DESI1: variants seen among roughly 807,000 people sequenced by gnomAD.
The protein encoded by DESI1 is desumoylating isopeptidase 1.
A neutral mutation model predicts 22.4 loss-of-function variants in DESI1; 17 were observed. The ratio of observed to expected loss-of-function variants is 0.76; its 90% confidence interval spans 0.52 to 1.14. The LOEUF is 1.14. Ranked by LOEUF, DESI1 falls within the 50% of genes most tolerant of loss-of-function variation. The pLI, the probability that DESI1 is intolerant of heterozygous loss-of-function variation, is 0.00. For missense variants in DESI1, 177 were observed against 208.9 expected, an observed-to-expected ratio of 0.85 and a Z score of 0.94; for synonymous variants, 92 against 84.2, an observed-to-expected ratio of 1.09 and a Z score of -0.51.
intron 1 of DESI1, among the ~76,000 whole-genome samples, chr22:41,609,182 T>C (rs1381646795): frequency 6.6e-6 from 1 of 152,102 alleles, no homozygotes; most frequent in Non-Finnish European, 1.5e-5. Flanking sequence ...CCTCAAGTGA[T>C]CCACCTGCCT....
intron 4 of DESI1, 36 bp downstream of exon 4, chr22:41,604,008 C>T (rs1601508916): frequency 1.3e-6 from 2 of 1,581,536 alleles, no homozygotes; most frequent in Non-Finnish European, 1.7e-6. Context: ...GCTGGGGAGA[C>T]AGACACAACT....
chr22:41,602,208 G>A (rs1220122803), intron 5 of DESI1: 5 of 985,044 alleles, frequency 5.1e-6, no homozygotes, highest in Admixed American at 6.2e-5. Context: ...AAGGAATGAA[G>A]TACTCCAAAG....
chr22:41,604,684 C>T (rs2067469043), intron 3 of DESI1, among the ~76,000 whole-genome samples: 1 of 151,570 alleles, frequency 6.6e-6, no homozygotes, highest in South Asian at 2.1e-4. Context: ...GAAGAATGGT[C>T]TTGGGCCACA....
chr22:41,616,337 G>A (rs2067550343), intron 1 of DESI1, among the ~76,000 whole-genome samples: 1 of 152,146 alleles, frequency 6.6e-6, no homozygotes, highest in South Asian at 2.1e-4. Flanking sequence ...ATTGAGTATA[G>A]TGTAAAATCT....
At chr22:41,616,179 G>C (rs1601516198) in intron 1 of DESI1, among the ~76,000 whole-genome samples, 2 of 152,130 alleles carry the variant, frequency 1.3e-5, no homozygotes, top group East Asian at 3.9e-4. Context: ...GGAGGCGGAG[G>C]TTGCAGTGAG....
rs1300474034 is a variant in DESI1 at position 41,619,722 on chromosome 22, A to G, written c.88+1030T>C. On this transcript the variant is annotated intron_variant, in intron 1 of 5. Transcript: ENST00000263256. ...TACGACATATTAGAAACTCAAGGAC[A>G]TTGAAGGATGCCCTCAAAAGTAGCC... Among the ~76,000 whole-genome samples, 5 of 152,332 alleles carry G rather than the reference A, an allele frequency of 3.3e-5. No individual in the cohort carries two copies. In the East Asian group the frequency reaches 9.6e-4, roughly 29 times the overall value.
intron 1 of DESI1, among the ~76,000 whole-genome samples, chr22:41,613,613 T>C (rs536963408): frequency 3.5e-4 from 54 of 152,342 alleles, no homozygotes; most frequent in African/African-American, 1.2e-3. Context: ...GCTTTGTTGG[T>C]TGACACACAG....
At chr22:41,616,858 A>G (rs1477748990) in intron 1 of DESI1, among the ~76,000 whole-genome samples, 1 of 152,208 alleles carries the variant, frequency 6.6e-6, no homozygotes, top group African/African-American at 2.4e-5. Context: ...GCTTCAGGAA[A>G]GGGGAATTAC....
intron 5 of DESI1, chr22:41,602,270 A>G (rs1474343060): frequency 1.0e-6 from 1 of 985,348 alleles, no homozygotes; most frequent in Non-Finnish European, 1.2e-6. Context: ...CAATTCCAGG[A>G]ACTCCACCCA....
intron 5 of DESI1, among the ~76,000 whole-genome samples, chr22:41,601,827 C>T (rs965748393): frequency 1.3e-5 from 2 of 152,164 alleles, no homozygotes; most frequent in African/African-American, 4.8e-5. Context: ...AATTCTCCTG[C>T]CTCAGCCTCC....
rs1172397671 is a variant in DESI1, at chr22:41,603,386, A to G, written c.291-5T>C. On this transcript the variant is annotated splice_region_variant and splice_polypyrimidine_tract_variant and intron_variant, in intron 4 of 5. Coordinates refer to ENST00000263256, the MANE Select transcript of DESI1 (RefSeq NM_015704.3). Reference sequence around the variant, plus strand: ...AAGAGGTTGTAGGCCTCACCTCTGTACATTGAAAGGTTTGCAGAACATATA... The same window carrying G: ...AAGAGGTTGTAGGCCTCACCTCTGTGCATTGAAAGGTTTGCAGAACATATA... The G allele has an allele frequency of 3.7e-6, 6 of 1,614,212 alleles. No homozygotes were observed. The highest frequency in any genetic ancestry group is 4.2e-6 in the Non-Finnish European group (5 of 1,180,020).
chr22:41,620,941 G>A lies in DESI1; in HGVS notation c.-102C>T. 1.5e-6 allele frequency: 2 copies of A among 1,326,412 alleles called. No homozygotes were observed. The highest frequency in any genetic ancestry group is 2.1e-6 in the Non-Finnish European group (2 of 962,204). 82.2% of individuals were successfully genotyped at this position (1,326,412 alleles called of 1,614,324 possible). On this transcript the variant is annotated 5_prime_UTR_variant, in exon 1 of 6. Transcript: ENST00000263256. The stretch of plus-strand genomic sequence containing the variant: ...AGTGCGAAGCGGAGGGAGAGGGGGG[G>A]ACCGAGCCCGGGCCCGGGCTGAGGG...
intron 1 of DESI1, among the ~76,000 whole-genome samples, chr22:41,609,628 CTAAAAA>C (rs1241887020): frequency 6.7e-6 from 1 of 148,292 alleles, no homozygotes; most frequent in Non-Finnish European, 1.5e-5. Context: ...CCAGTCTTTA[CTAAAAA>C]TAAAAATAAA....
rs2067459302 is a variant in DESI1 at position 41,603,239 on chromosome 22, G to A, written c.413+20C>T. On this transcript the variant is annotated intron_variant, in intron 5 of 5. Transcript: ENST00000263256. The stretch of plus-strand genomic sequence containing the variant: ...TTCAAGGTTGGCCAAGGCAGGGGCA[G>A]GGACAGAGGCCACACTTACGTGGAG... 1 of 1,614,090 alleles carries A rather than the reference G, an allele frequency of 6.2e-7. No homozygotes were observed. Among genetic ancestry groups the A allele is most frequent in the South Asian group, 1.1e-5 (1 of 91,080 alleles).
chr22:41,606,347 C>A (rs2067480296), intron 3 of DESI1, among the ~76,000 whole-genome samples: 2 of 148,828 alleles, frequency 1.3e-5, no homozygotes, highest in Non-Finnish European at 1.5e-5. Flanking sequence ...CAGAGCAAGA[C>A]CCCGTCTCAA....
Position 41,600,837 on chromosome 22 carries a change from G to A in DESI1, c.*260C>T. On this transcript the variant is annotated 3_prime_UTR_variant, in exon 6 of 6. Coordinates refer to ENST00000263256, the MANE Select transcript of DESI1 (RefSeq NM_015704.3). ...CTTTCTCCAGTGTGGAGGACGCTTA[G>A]GAAACAGCATCCGAAGTGAACGCAC... 1 of 405,190 alleles carries A rather than the reference G, an allele frequency of 2.5e-6. No homozygotes were observed. The highest frequency in any genetic ancestry group is 4.5e-6 in the Non-Finnish European group (1 of 220,640). 25.1% of individuals were successfully genotyped at this position (405,190 alleles called of 1,614,324 possible). A position where few individuals can be genotyped will look rare whatever the true frequency, so the allele number is the denominator to read the frequency against.
At chr22:41,603,232 AGG>A in intron 5 of DESI1, 25 bp downstream of exon 5, 1 of 1,613,894 alleles carries the variant, frequency 6.2e-7, no homozygotes, top group Non-Finnish European at 8.5e-7. Flanking sequence ...TGGCCAAGGC[AGG>A]GGCAGGGACA....
rs28384704 is a variant in DESI1 at position 41,620,940 on chromosome 22, G to T, written c.-101C>A. The T allele has an allele frequency of 2.1e-6, 3 of 1,398,476 alleles. No individual in the cohort carries two copies. The East Asian group carries it at 7.7e-5, about 36-fold the overall frequency. 86.6% of individuals were successfully genotyped at this position (1,398,476 alleles called of 1,614,324 possible). A position where few individuals can be genotyped will look rare whatever the true frequency, so the allele number is the denominator to read the frequency against. On this transcript the variant is annotated 5_prime_UTR_variant, in exon 1 of 6. Transcript: ENST00000263256. Reference sequence around the variant, plus strand: ...GAGTGCGAAGCGGAGGGAGAGGGGGGGACCGAGCCCGGGCCCGGGCTGAGG... The same window carrying T: ...GAGTGCGAAGCGGAGGGAGAGGGGGTGACCGAGCCCGGGCCCGGGCTGAGG...
At chr22:41,618,247 C>G (rs1157207459) in intron 1 of DESI1, among the ~76,000 whole-genome samples, 1 of 151,870 alleles carries the variant, frequency 6.6e-6, no homozygotes, top group Non-Finnish European at 1.5e-5. Context: ...CCTGTAATCC[C>G]AGCTACTCTG....
Sources: gnomAD v4.1 joint callset for allele counts (sites outside exome capture counted in the v4.1 genomes callset) on GRCh38, gnomAD v4.1.1 for gene constraint, MANE v1.5 for transcripts, NCBI Gene and HGNC (gene_info 2026-07-23, HGNC 2026-07-21) for gene names.